The following ADAMTS12 variants were observed in gnomAD, a reference collection of about 807,000 sequenced individuals.
ADAMTS12 encodes A disintegrin and metalloproteinase with thrombospondin motifs 12.
ADAMTS12 carries 118 observed loss-of-function variants against 167.8 expected under a neutral mutation model. The observed-to-expected ratio is 0.70, with a 90% CI of 0.61 to 0.82. The LOEUF is 0.82. ADAMTS12 is among the 40% of genes least tolerant of loss of function. The pLI is 0.00. For synonymous variants in ADAMTS12, 704 were observed against 716.9 expected, an observed-to-expected ratio of 0.98 and a Z score of 0.29; for missense variants, 1,916 against 1,998.8, an observed-to-expected ratio of 0.96 and a Z score of 0.79.
intron 18 of ADAMTS12, among the ~76,000 whole-genome samples, chr5:33,581,266 C>T (rs753446759): frequency 2.0e-5 from 3 of 152,186 alleles, no homozygotes; most frequent in East Asian, 1.9e-4. Context: ...CTATGATTAT[C>T]GTATGCCCTT....
intron 16 of ADAMTS12, among the ~76,000 whole-genome samples, chr5:33,597,853 A>C (rs1362365900): frequency 6.6e-6 from 1 of 152,164 alleles, no homozygotes; most frequent in Non-Finnish European, 1.5e-5. Flanking sequence ...GCTGCTTAGA[A>C]GTTTCATTAA....
chr5:33,575,618 T>C (rs889594651), intron 19 of ADAMTS12, among the ~76,000 whole-genome samples: 2 of 152,212 alleles, frequency 1.3e-5, no homozygotes, highest in Non-Finnish European at 2.9e-5. Flanking sequence ...CACTTGAACA[T>C]AGACCACCCA....
At chr5:33,683,267 A>T (rs1173932338) in intron 4 of ADAMTS12, among the ~76,000 whole-genome samples, 166 bp from the exon 5 acceptor site, 2 of 152,208 alleles carry the variant, frequency 1.3e-5, no homozygotes, top group Non-Finnish European at 2.9e-5. Context: ...CTCATTCCAC[A>T]TTACAATATT....
intron 16 of ADAMTS12, chr5:33,603,838 A>C (rs1326819307): frequency 1.3e-5 from 2 of 152,224 alleles, no homozygotes; most frequent in African/African-American, 2.4e-5. Context: ...TAAACACGTA[A>C]ACAAAATTAG....
chr5:33,728,848 T>C (rs958662837), intron 3 of ADAMTS12, among the ~76,000 whole-genome samples: 1 of 152,234 alleles, frequency 6.6e-6, no homozygotes, highest in Non-Finnish European at 1.5e-5. Flanking sequence ...TGTACTAATC[T>C]CATTTATAAA....
intron 2 of ADAMTS12, among the ~76,000 whole-genome samples, chr5:33,766,669 A>G (rs1288052870): frequency 6.6e-6 from 1 of 152,188 alleles, no homozygotes; most frequent in African/African-American, 2.4e-5. Context: ...CTAAAATTTT[A>G]AAAGTGTACT....
rs367608177 is a variant in ADAMTS12, at chr5:33,758,124, T to C, written c.490-6576A>G. Reference sequence around the variant, plus strand: ...AAGTGCTAGGATGAGTATCCATACATAGTAAGTGCCCGATAAGCATATTGG... The same window carrying C: ...AAGTGCTAGGATGAGTATCCATACACAGTAAGTGCCCGATAAGCATATTGG... On this transcript the variant is annotated intron_variant, in intron 2 of 23. Coordinates refer to ENST00000504830, the MANE Select transcript of ADAMTS12 (RefSeq NM_030955.4). Among the ~76,000 whole-genome samples the C allele has an allele frequency of 4.7e-4, 71 of 152,236 alleles. No individual in the cohort carries two copies. The South Asian group carries it at 0.011, about 23-fold the overall frequency.
intron 19 of ADAMTS12, among the ~76,000 whole-genome samples, chr5:33,573,798 A>C: frequency 6.6e-6 from 1 of 152,230 alleles, no homozygotes; most frequent in East Asian, 1.9e-4. Flanking sequence ...CTACCAACAG[A>C]GTGAACAGGC....
chr5:33,677,295 C>T (rs566813925), intron 5 of ADAMTS12, among the ~76,000 whole-genome samples: 4 of 152,266 alleles, frequency 2.6e-5, no homozygotes, highest in African/African-American at 9.6e-5. Context: ...AAGCCAGATA[C>T]TATGCTAAGT....
At chr5:33,828,603 A>C (rs780249577) in intron 2 of ADAMTS12, among the ~76,000 whole-genome samples, 2 of 152,160 alleles carry the variant, frequency 1.3e-5, no homozygotes, top group Non-Finnish European at 2.9e-5. Context: ...TTGGCTTCAC[A>C]CTTTTACCTT....
At chr5:33,570,473 A>G (rs1233400828) in intron 19 of ADAMTS12, among the ~76,000 whole-genome samples, 1 of 152,158 alleles carries the variant, frequency 6.6e-6, no homozygotes, top group Admixed American at 6.5e-5. Context: ...TTTTCAACCC[A>G]GAATTTCATA....
intron 23 of ADAMTS12, among the ~76,000 whole-genome samples, chr5:33,534,596 A>C (rs1181266612): frequency 2.6e-5 from 4 of 152,194 alleles, no homozygotes; most frequent in Non-Finnish European, 5.9e-5. Context: ...ATGGTATTTT[A>C]TGATACTCAA....
chr5:33,712,734 C>T (rs1254586596), intron 3 of ADAMTS12, among the ~76,000 whole-genome samples: 1 of 152,130 alleles, frequency 6.6e-6, no homozygotes, highest in Middle Eastern at 3.2e-3. Context: ...TCACCCAAAC[C>T]TCACAACTCT....
intron 18 of ADAMTS12, among the ~76,000 whole-genome samples, chr5:33,587,461 TATTATTATTTTGAGACAG>T (rs1045935441): frequency 1.3e-5 from 2 of 152,110 alleles, no homozygotes; most frequent in African/African-American, 4.8e-5. Flanking sequence ...TTATTGTTAT[TATTATTATTTTGAGACAG>T]GGTCTCACTT....
intron 19 of ADAMTS12, among the ~76,000 whole-genome samples, chr5:33,562,061 G>C (rs1452641166): frequency 6.6e-6 from 1 of 152,184 alleles, no homozygotes. Context: ...ATTTGTTACA[G>C]TAGTGCTCCT....
At chr5:33,779,431 C>G (rs921858090) in intron 2 of ADAMTS12, among the ~76,000 whole-genome samples, 2 of 152,060 alleles carry the variant, frequency 1.3e-5, no homozygotes, top group Non-Finnish European at 2.9e-5. Flanking sequence ...AGTGATCCAC[C>G]CACCTTGGCC....
At chr5:33,687,670 G>A (rs192531964) in intron 3 of ADAMTS12, among the ~76,000 whole-genome samples, 22 of 152,338 alleles carry the variant, frequency 1.4e-4, no homozygotes, top group Admixed American at 5.2e-4. Context: ...GAAGCTTTGC[G>A]GAAGTGGTAA....
intron 2 of ADAMTS12, among the ~76,000 whole-genome samples, chr5:33,857,644 C>T (rs1371735247): frequency 6.6e-6 from 1 of 151,114 alleles, no homozygotes; most frequent in Non-Finnish European, 1.5e-5. Flanking sequence ...TCAGTTAGAA[C>T]TGAAACCTCT....
At chr5:33,566,207 A>C (rs1186350086) in intron 19 of ADAMTS12, among the ~76,000 whole-genome samples, 1 of 152,238 alleles carries the variant, frequency 6.6e-6, no homozygotes, top group Non-Finnish European at 1.5e-5. Context: ...TCATGCCAAT[A>C]ATCTCAGCAC....
Sources: allele counts gnomAD v4.1 joint callset (sites outside exome capture counted in the v4.1 genomes callset), GRCh38; gene constraint gnomAD v4.1.1; transcripts MANE v1.5; gene names NCBI Gene and HGNC (gene_info 2026-07-23, HGNC 2026-07-21).